COL22A1: variants seen among roughly 807,000 people sequenced by gnomAD.
COL22A1 encodes collagen alpha-1(XXII) chain.
In COL22A1, 221 loss-of-function variants were observed where a neutral mutation model predicts 248.9. The ratio of observed to expected loss-of-function variants is 0.89; its 90% CI spans 0.80 to 0.99. The LOEUF is 0.99. Among genes scored for constraint, COL22A1 ranks in the 50% least tolerant of loss-of-function variants. The pLI is 0.00. For synonymous variants in COL22A1, 891 were observed against 793.4 expected (o/e 1.12, Z -2.07); for missense variants, 2,240 against 2,179.0 (o/e 1.03, Z -0.56).
chr8:138,717,404 C>T (rs1829527934), intron 27 of COL22A1, among the ~76,000 whole-genome samples: 1 of 152,182 alleles, frequency 6.6e-6, no homozygotes, highest in Non-Finnish European at 1.5e-5. Context: ...GCCTCGGCCT[C>T]CCAAAGTGCT....
intron 5 of COL22A1, among the ~76,000 whole-genome samples, chr8:138,832,554 T>A (rs996289275): frequency 1.3e-5 from 2 of 152,148 alleles, no homozygotes; most frequent in Admixed American, 1.3e-4. Context: ...TCACTTTGGA[T>A]TGAAAACATG....
intron 5 of COL22A1, among the ~76,000 whole-genome samples, chr8:138,831,305 T>C (rs2131813885): frequency 6.6e-6 from 1 of 152,336 alleles, no homozygotes; most frequent in Non-Finnish European, 1.5e-5. Context: ...TTACGGGCTG[T>C]TGACTCATTC....
In COL22A1 at chr8:138,630,708, A is replaced by G. The variant is rs150988804; in HGVS notation, c.3650T>C (p.Ile1217Thr). Reference sequence around the variant, plus strand: ...TGAGGAACTTACAGGTGACCCTTGGATTCCTGGTGGTCCAGCAGCTCCTGC... The same window carrying G: ...TGAGGAACTTACAGGTGACCCTTGGGTTCCTGGTGGTCCAGCAGCTCCTGC... Reference protein sequence around the residue: ...GIAGAAGPPGIQGSPGKEGPP... With the variant: ...GIAGAAGPPGTQGSPGKEGPP... Residue 1217 changes from isoleucine (I) to threonine (T), a missense_variant, in exon 50 of 65, where the codon ATC becomes ACC. Coordinates refer to ENST00000303045, the MANE Select transcript of COL22A1 (RefSeq NM_152888.3). 25 of 1,613,806 alleles carry G rather than the reference A, an allele frequency of 1.5e-5. No homozygotes were observed. The highest frequency in any genetic ancestry group is 2.1e-5 in the Non-Finnish European group (25 of 1,179,854).
At chr8:138,705,184 T>G (rs879812921) in intron 30 of COL22A1, among the ~76,000 whole-genome samples, 1 of 152,084 alleles carries the variant, frequency 6.6e-6, no homozygotes, top group Non-Finnish European at 1.5e-5. Context: ...ACGGGGAGAA[T>G]GGAACCAAGT....
rs756360922 is a variant in COL22A1, at chr8:138,598,918, G to C, written c.4186-20C>G. ...ATCTCCCTAAGGAGGAAATAAGCAT[G>C]TCAGCATGTGTCTCAGGGCTGGAAG... On this transcript the variant is annotated intron_variant, in intron 60 of 64. Coordinates refer to ENST00000303045, the MANE Select transcript of COL22A1 (RefSeq NM_152888.3). 29 of 1,613,020 alleles carry C rather than the reference G, an allele frequency of 1.8e-5. No individual in the cohort carries two copies. Among genetic ancestry groups the C allele is most frequent in the Middle Eastern group, 1.7e-4 (1 of 6,058 alleles).
intron 9 of COL22A1, among the ~76,000 whole-genome samples, chr8:138,808,732 A>G (rs1459392631): frequency 1.3e-5 from 2 of 152,248 alleles, no homozygotes; most frequent in African/African-American, 4.8e-5. Context: ...ACAGCAATCT[A>G]CACTCTGGTC....
At chr8:138,608,909 G>A (rs991810859) in intron 56 of COL22A1, among the ~76,000 whole-genome samples, 3 of 152,188 alleles carry the variant, frequency 2.0e-5, no homozygotes, top group Non-Finnish European at 2.9e-5. Flanking sequence ...AGCCTAGGAG[G>A]AGAGAGCCTC....
chr8:138,612,794 G>A (rs751343055), intron 56 of COL22A1, among the ~76,000 whole-genome samples: 15 of 151,760 alleles, frequency 9.9e-5, no homozygotes, highest in African/African-American at 2.4e-4. Flanking sequence ...AATAATCAGC[G>A]GCGTGGTGGC....
At position 138,598,843 on chromosome 8, in the gene COL22A1, C is replaced by T; in HGVS notation, c.4241G>A (p.Gly1414Glu). The T allele has an allele frequency of 6.2e-7, 1 of 1,614,180 alleles. No individual in the cohort carries two copies. The highest frequency in any genetic ancestry group is 8.5e-7 in the Non-Finnish European group (1 of 1,180,028). ...TTTGTGGCCTGGGATTCCAGGGTCC[C>T]CAGGCTGGCCTTTTCCACCAGGAGG... is the stretch of plus-strand genomic sequence containing the variant. ...KGPPGGKGQP[G>E]DPGIPGHKGH... Residue 1414 changes from glycine to glutamate, a missense_variant, in exon 61 of 65, where the codon GGG becomes GAG. By Grantham distance (98) the Gly-to-Glu change is moderately conservative. Coordinates refer to ENST00000303045, the MANE Select transcript of COL22A1 (RefSeq NM_152888.3).
intron 12 of COL22A1, among the ~76,000 whole-genome samples, chr8:138,792,386 G>A (rs1816139764): frequency 6.6e-6 from 1 of 152,224 alleles, no homozygotes; most frequent in South Asian, 2.1e-4. Context: ...AGACACTGGA[G>A]ATCTGCCTCA....
chr8:138,731,130 C>G (rs1830675956), intron 23 of COL22A1, among the ~76,000 whole-genome samples: 2 of 151,928 alleles, frequency 1.3e-5, no homozygotes, highest in South Asian at 4.2e-4. Flanking sequence ...GGAGAAACCC[C>G]ATCTCTACTA....
At chr8:138,618,031 G>A (rs967772923) in intron 53 of COL22A1, among the ~76,000 whole-genome samples, 3 of 152,140 alleles carry the variant, frequency 2.0e-5, no homozygotes, top group Admixed American at 2.0e-4. Flanking sequence ...AGAGACTCTG[G>A]TGTGCTCTCC....
intron 27 of COL22A1, among the ~76,000 whole-genome samples, chr8:138,719,789 TGTGTATCTAAGCA>T (rs1369784213): frequency 1.3e-5 from 2 of 152,184 alleles, no homozygotes; most frequent in African/African-American, 4.8e-5. Context: ...AAGCCCGTAC[TGTGTATCTAAGCA>T]GTGCTTGCCT....
intron 40 of COL22A1, among the ~76,000 whole-genome samples, chr8:138,677,075 T>A (rs1043972248): frequency 3.3e-5 from 5 of 152,208 alleles, no homozygotes; most frequent in African/African-American, 1.2e-4. Context: ...GCCAAGTACC[T>A]ACATTTTGCA....
At chr8:138,814,343 T>G (rs1818497721) in intron 7 of COL22A1, among the ~76,000 whole-genome samples, 2 of 152,310 alleles carry the variant, frequency 1.3e-5, no homozygotes, top group Non-Finnish European at 2.9e-5. Context: ...GGAACTTAAT[T>G]CCCCTCCCCT....
intron 3 of COL22A1, among the ~76,000 whole-genome samples, chr8:138,868,702 T>C (rs1287774051): frequency 6.6e-6 from 1 of 151,112 alleles, no homozygotes; most frequent in Non-Finnish European, 1.5e-5. Context: ...CCTCAAACAC[T>C]CTACAAGGTA....
rs774384516 is a variant in COL22A1 at position 138,821,333 on chromosome 8, C to T, written c.1048G>A (p.Val350Ile). The T allele has an allele frequency of 6.2e-7, 1 of 1,614,160 alleles. No homozygotes were observed. Among genetic ancestry groups the T allele is most frequent in the South Asian group, 1.1e-5 (1 of 91,076 alleles). ...TCATTGACCCGAGAACCTCGGAAGACCACCCTGACAGCATCTTTCATGGCA... is the reference window on the plus strand; with the variant it reads ...TCATTGACCCGAGAACCTCGGAAGATCACCCTGACAGCATCTTTCATGGCA... ...VGAMKDAVRV[V>I]FRGSRVNDLF... The change falls in exon 7 of 65, where the codon GTC (valine) becomes ATC (isoleucine). Residue 350 changes from valine (V) to isoleucine (I), a missense_variant. Physicochemically the swap from Val to Ile is conservative, Grantham distance 29 (BLOSUM62 3). Coordinates refer to ENST00000303045, the MANE Select transcript of COL22A1 (RefSeq NM_152888.3).
At chr8:138,641,624 G>T (rs138545108) in intron 47 of COL22A1, among the ~76,000 whole-genome samples, 1 of 152,152 alleles carries the variant, frequency 6.6e-6, no homozygotes, top group African/African-American at 2.4e-5. Flanking sequence ...GTAGTTGACC[G>T]TGTGGCATGA....
chr8:138,790,850 A>C (rs1417882319), intron 12 of COL22A1, among the ~76,000 whole-genome samples: 7 of 150,358 alleles, frequency 4.7e-5, no homozygotes, highest in Non-Finnish European at 1.0e-4. Context: ...TTTTTAAAAC[A>C]CCCTACGTCC....
Sources: gnomAD v4.1 joint callset for allele counts (sites outside exome capture counted in the v4.1 genomes callset) on GRCh38, gnomAD v4.1.1 for gene constraint, MANE v1.5 for transcripts, NCBI Gene and HGNC (gene_info 2026-07-23, HGNC 2026-07-21) for gene names.